Variants in PDS5B observed in about 807,000 individuals in gnomAD.
PDS5B encodes the protein sister chromatid cohesion protein PDS5 homolog B.
Under a neutral mutation model 184.1 loss-of-function variants are expected in PDS5B, and 51 were observed. That is an observed-to-expected ratio of 0.28 (90% confidence interval 0.22 to 0.35). PDS5B has a LOEUF of 0.35. PDS5B is among the 10% of genes least tolerant of loss of function. The pLI is 1.00. For synonymous variants in PDS5B, 566 were observed against 569.2 expected, an observed-to-expected ratio of 0.99 and a Z score of 0.08; for missense variants, 1,180 against 1,723.3, an observed-to-expected ratio of 0.68 and a Z score of 5.58.
At chr13:32,599,935 C>G (rs1371199527) in intron 1 of PDS5B, among the ~76,000 whole-genome samples, 1 of 151,782 alleles carries the variant, frequency 6.6e-6, no homozygotes, top group African/African-American at 2.4e-5. Context: ...AAAACAAAAC[C>G]TTTTCTGCCC....
chr13:32,735,406 AATG>A (rs1953296659), intron 21 of PDS5B, 76 bp downstream of exon 21: 2 of 986,804 alleles, frequency 2.0e-6, no homozygotes, highest in South Asian at 1.8e-5. Context: ...AAAGAAGTGA[AATG>A]ATATCAATAA....
intron 14 of PDS5B, among the ~76,000 whole-genome samples, chr13:32,695,159 T>G (rs1295088407): frequency 6.6e-6 from 1 of 151,890 alleles, no homozygotes; most frequent in African/African-American, 2.4e-5. Flanking sequence ...TCTCACTATT[T>G]TTTTAAACCT....
chr13:32,749,269 C>A (rs752158544), intron 24 of PDS5B, among the ~76,000 whole-genome samples: 1 of 152,158 alleles, frequency 6.6e-6, no homozygotes, highest in Non-Finnish European at 1.5e-5. Flanking sequence ...CTAACCCTTT[C>A]TGCAAGTCAG....
chr13:32,719,146 T>G (rs976086877), intron 19 of PDS5B, among the ~76,000 whole-genome samples: 2 of 152,208 alleles, frequency 1.3e-5, no homozygotes, highest in Non-Finnish European at 2.9e-5. Context: ...TACCAAGTCA[T>G]GAATGAAATA....
intron 17 of PDS5B, among the ~76,000 whole-genome samples, chr13:32,702,041 C>T (rs1187476401): frequency 6.6e-6 from 1 of 151,904 alleles, no homozygotes; most frequent in Non-Finnish European, 1.5e-5. Flanking sequence ...AAAATGTTTT[C>T]CTCTGACTGA....
At chr13:32,645,001 G>A (rs756066939) in intron 1 of PDS5B, among the ~76,000 whole-genome samples, 2 of 152,016 alleles carry the variant, frequency 1.3e-5, no homozygotes, top group South Asian at 2.1e-4. Flanking sequence ...TTCTCTGATT[G>A]TTCTTTTCTT....
At chr13:32,607,214 T>G (rs1453232508) in intron 1 of PDS5B, among the ~76,000 whole-genome samples, 1 of 152,238 alleles carries the variant, frequency 6.6e-6, no homozygotes, top group African/African-American at 2.4e-5. Context: ...TGGTCTTTGA[T>G]GATGGTGACG....
At chr13:32,772,749 G>A (rs755724960) in intron 33 of PDS5B, among the ~76,000 whole-genome samples, 10 of 152,168 alleles carry the variant, frequency 6.6e-5, no homozygotes, top group Non-Finnish European at 1.3e-4. Context: ...AAGAGAAGAG[G>A]CAAGAGATGG....
chr13:32,643,858 GATGTATGACT>G (rs1445894568), intron 1 of PDS5B, among the ~76,000 whole-genome samples: 2 of 152,108 alleles, frequency 1.3e-5, no homozygotes, highest in African/African-American at 4.8e-5. Context: ...ATCATTAAGT[GATGTATGACT>G]ATGCACAGGA....
intron 1 of PDS5B, among the ~76,000 whole-genome samples, chr13:32,592,275 A>G (rs1216123560): frequency 7.3e-5 from 11 of 151,686 alleles, no homozygotes; most frequent in Admixed American, 7.2e-4. Flanking sequence ...TTTTTTTGAG[A>G]CGGAGTTTCG....
At chr13:32,683,676 T>C (rs1031012639) in intron 10 of PDS5B, among the ~76,000 whole-genome samples, 4 of 152,216 alleles carry the variant, frequency 2.6e-5, no homozygotes, top group Non-Finnish European at 1.5e-5. Context: ...GAGGCTGTTA[T>C]TACTCAATTG....
intron 33 of PDS5B, among the ~76,000 whole-genome samples, chr13:32,772,964 T>G (rs183645199): frequency 6.6e-6 from 1 of 152,316 alleles, no homozygotes. Context: ...TAGGTTATGG[T>G]ATGTTCTCAG....
chr13:32,742,134 T>G (rs1278509392), intron 22 of PDS5B, among the ~76,000 whole-genome samples: 1 of 152,220 alleles, frequency 6.6e-6, no homozygotes, highest in African/African-American at 2.4e-5. Context: ...AGAGGTAATA[T>G]GTACTTCTTC....
chr13:32,666,249 T>C (rs537694134), intron 6 of PDS5B, among the ~76,000 whole-genome samples: 41 of 152,046 alleles, frequency 2.7e-4, no homozygotes, highest in Non-Finnish European at 5.7e-4. Context: ...CCCGGCTGAT[T>C]TTATTTTTAT....
intron 24 of PDS5B, among the ~76,000 whole-genome samples, chr13:32,751,755 CT>C (rs1363986261): frequency 6.6e-6 from 1 of 152,102 alleles, no homozygotes; most frequent in South Asian, 2.1e-4. Flanking sequence ...GGATATTAGA[CT>C]TTTGTTGGAT....
chr13:32,624,924 A>T (rs1171882283), intron 1 of PDS5B, among the ~76,000 whole-genome samples: 3 of 152,112 alleles, frequency 2.0e-5, no homozygotes, highest in Non-Finnish European at 4.4e-5. Context: ...TAAGAGACAG[A>T]TGGTGAGTGT....
intron 1 of PDS5B, among the ~76,000 whole-genome samples, chr13:32,636,021 G>A (rs551192413): frequency 8.1e-5 from 12 of 148,276 alleles, no homozygotes; most frequent in South Asian, 2.2e-4. Flanking sequence ...TGCCTCCCTC[G>A]GCCTCCCAAA....
intron 11 of PDS5B, 104 bp downstream of exon 11, chr13:32,684,127 CT>C: frequency 2.0e-6 from 1 of 491,468 alleles, no homozygotes; most frequent in Non-Finnish European, 3.3e-6. Context: ...TATAATTAGC[CT>C]TTTTTAGGGG....
At chr13:32,627,181 T>G (rs543221622) in intron 1 of PDS5B, among the ~76,000 whole-genome samples, 1 of 152,338 alleles carries the variant, frequency 6.6e-6, no homozygotes, top group East Asian at 1.9e-4. Context: ...CTTGAGAACT[T>G]AAAATATCCC....
Sources: allele counts gnomAD v4.1 joint callset (sites outside exome capture counted in the v4.1 genomes callset), GRCh38; gene constraint gnomAD v4.1.1; transcripts MANE v1.5; gene names NCBI Gene and HGNC (gene_info 2026-07-23, HGNC 2026-07-21).